Variants in AGMO observed in about 807,000 individuals in gnomAD.
The protein encoded by AGMO is alkylglycerol monooxygenase.
A neutral mutation model predicts 60.2 loss-of-function variants in AGMO; 75 were observed. The observed-to-expected ratio is 1.25, with a 90% CI of 1.03 to 1.51. The LOEUF is 1.51. AGMO is among the 40% of genes most tolerant of loss of function. AGMO has a pLI of 0.00. For synonymous variants in AGMO, 261 were observed against 177.1 expected, an observed-to-expected ratio of 1.47 and a Z score of -3.76; for missense variants, 763 against 525.5, an observed-to-expected ratio of 1.45 and a Z score of -4.42.
the AGMO span, among the ~76,000 whole-genome samples, chr7:15,119,115 C>T: frequency 1.3e-5 from 2 of 151,622 alleles, no homozygotes; most frequent in African/African-American, 4.8e-5. Flanking sequence ...TGAAGGAGTT[C>T]TGGGCATCTG....
chr7:15,351,066 G>A (rs1339760833), intron 12 of AGMO, among the ~76,000 whole-genome samples: 1 of 152,122 alleles, frequency 6.6e-6, no homozygotes, highest in East Asian at 1.9e-4. Context: ...TTCAGCCAAA[G>A]TTATCAGATG....
At chr7:15,240,880 G>C (rs913490675) in intron 12 of AGMO, among the ~76,000 whole-genome samples, 3 of 151,718 alleles carry the variant, frequency 2.0e-5, no homozygotes, top group African/African-American at 7.3e-5. Context: ...TCCAATATGA[G>C]AAAGCTAGTT....
At chr7:15,155,431 T>C in the AGMO span, among the ~76,000 whole-genome samples, 1 of 141,272 alleles carries the variant, frequency 7.1e-6, no homozygotes, top group Non-Finnish European at 1.5e-5. Context: ...TTTTTTTTTT[T>C]TTTTTTTTTT....
the AGMO span, among the ~76,000 whole-genome samples, chr7:15,121,699 A>C: frequency 1.3e-5 from 2 of 152,170 alleles, no homozygotes; most frequent in Non-Finnish European, 2.9e-5. Flanking sequence ...TACAGTAACC[A>C]AAACAGCATG....
At chr7:15,156,855 A>T in the AGMO span, among the ~76,000 whole-genome samples, 1 of 152,134 alleles carries the variant, frequency 6.6e-6, no homozygotes, top group Non-Finnish European at 1.5e-5. Context: ...CTAGTCAGCC[A>T]TCTTGGCTCT....
chr7:15,356,212 G>A (rs562147073), intron 12 of AGMO, among the ~76,000 whole-genome samples: 1 of 152,168 alleles, frequency 6.6e-6, no homozygotes, highest in African/African-American at 2.4e-5. Context: ...GTATAAACTA[G>A]AGAAACTCTA....
intron 10 of AGMO, among the ~76,000 whole-genome samples, chr7:15,379,560 T>C (rs991829039): frequency 6.6e-6 from 1 of 151,952 alleles, no homozygotes; most frequent in Non-Finnish European, 1.5e-5. Context: ...CAGGAAGATA[T>C]TAAAACCCTA....
At chr7:15,123,466 A>C in the AGMO span, among the ~76,000 whole-genome samples, 1 of 152,232 alleles carries the variant, frequency 6.6e-6, no homozygotes, top group Admixed American at 6.5e-5. Flanking sequence ...GAATGAAAAA[A>C]AAATGAACAA....
chr7:15,141,888 G>T, the AGMO span, among the ~76,000 whole-genome samples: 1 of 152,052 alleles, frequency 6.6e-6, no homozygotes, highest in African/African-American at 2.4e-5. Flanking sequence ...ACTCTGCCAG[G>T]TAACACAGCA....
At chr7:15,230,002 T>G (rs1782210392) in intron 12 of AGMO, among the ~76,000 whole-genome samples, 1 of 151,692 alleles carries the variant, frequency 6.6e-6, no homozygotes, top group African/African-American at 2.4e-5. Flanking sequence ...GAAACAAAAT[T>G]AAAATTATAA....
intron 3 of AGMO, among the ~76,000 whole-genome samples, chr7:15,533,685 T>C (rs1269788756): frequency 6.6e-6 from 1 of 152,150 alleles, no homozygotes; most frequent in Non-Finnish European, 1.5e-5. Context: ...TATATTCCTA[T>C]ATTTCTAAAG....
chr7:15,406,294 A>T (rs1485187036), intron 5 of AGMO, among the ~76,000 whole-genome samples: 1 of 144,748 alleles, frequency 6.9e-6, no homozygotes, highest in Admixed American at 7.0e-5. Context: ...ATGTGTGTAT[A>T]TATATGGAAT....
rs1244056629 is a variant in AGMO, at chr7:15,322,604, A to G, written c.1263+42910T>C. 1.9e-3 allele frequency among the ~76,000 whole-genome samples: 81 copies of G among 42,890 alleles called. 14 individuals carry two copies. Among genetic ancestry groups the G allele is most frequent in the African/African-American group, 9.0e-3 (68 of 7,516 alleles). The allele number at this position is 42,890 out of a possible 152,430, so 28.1% of individuals were successfully genotyped here. A position where few individuals can be genotyped will look rare whatever the true frequency, so the allele number is the denominator to read the frequency against. ...TATATAAATATATAAATATATATAA[A>G]TATATATAAATATATAAATATATAT... is the stretch of plus-strand genomic sequence containing the variant. On this transcript the variant is annotated intron_variant, in intron 12 of 12. Transcript: ENST00000342526.
intron 3 of AGMO, among the ~76,000 whole-genome samples, chr7:15,520,222 G>C (rs1363260204): frequency 1.3e-5 from 2 of 152,048 alleles, no homozygotes; most frequent in African/African-American, 4.8e-5. Flanking sequence ...CCTACGAAGA[G>C]ACTTAGACTC....
chr7:15,555,270 CAT>C (rs375890408), intron 2 of AGMO, among the ~76,000 whole-genome samples: 6,588 of 113,744 alleles, frequency 0.058, 237 homozygotes, highest in East Asian at 0.089. Context: ...TGTATTGGAT[CAT>C]ATATATATAT....
chr7:15,171,172 G>A, the AGMO span, among the ~76,000 whole-genome samples: 1 of 151,828 alleles, frequency 6.6e-6, no homozygotes, highest in Non-Finnish European at 1.5e-5. Context: ...TAGTAGAGAC[G>A]GGGTTTCACC....
At position 15,283,265 on chromosome 7, in the gene AGMO, T is replaced by A. The variant is rs79700724; in HGVS notation, c.1264-81906A>T. 1.8e-3 allele frequency among the ~76,000 whole-genome samples: 269 copies of A among 152,176 alleles called. 1 individual carries two copies. Among genetic ancestry groups the A allele is most frequent in the African/African-American group, 6.2e-3 (256 of 41,546 alleles). The stretch of plus-strand genomic sequence containing the variant: ...ATGTTGAATGTAAATGCCCTAATAC[T>A]CCACTTAAAAGATACAGATTGGCAG... On this transcript the variant is annotated intron_variant, in intron 12 of 12. Transcript: ENST00000342526.
chr7:15,226,865 C>T (rs935805094), intron 12 of AGMO, among the ~76,000 whole-genome samples: 1 of 151,988 alleles, frequency 6.6e-6, no homozygotes, highest in African/African-American at 2.4e-5. Context: ...TGGCAGAAAA[C>T]GTCATTATAA....
At chr7:15,144,879 G>C in the AGMO span, among the ~76,000 whole-genome samples, 1 of 152,332 alleles carries the variant, frequency 6.6e-6, no homozygotes, top group Non-Finnish European at 1.5e-5. Flanking sequence ...GCCCAGGCTG[G>C]AGTGCAGTGG....
Sources: allele counts gnomAD v4.1 joint callset (sites outside exome capture counted in the v4.1 genomes callset), GRCh38; gene constraint gnomAD v4.1.1; transcripts MANE v1.5; gene names NCBI Gene and HGNC (gene_info 2026-07-23, HGNC 2026-07-21).